ZNG1A: variants seen among roughly 807,000 people sequenced by gnomAD.
ZNG1A encodes Zn regulated GTPase metalloprotein activator 1A, also known as zinc-regulated GTPase metalloprotein activator 1A.
At chr9:147,892 GGT>G in the ZNG1A span, 1 of 149,246 alleles carries the variant, frequency 6.7e-6, no homozygotes, top group East Asian at 2.0e-4. Flanking sequence ...TGGGTGTGGT[GGT>G]GCACACCTGT....
the ZNG1A span, among the ~76,000 whole-genome samples, chr9:138,667 G>A: frequency 6.9e-6 from 1 of 144,934 alleles, no homozygotes; most frequent in Non-Finnish European, 1.5e-5. Flanking sequence ...GGGAGGCTGA[G>A]GCATGAGGAT....
chr9:172,294 T>G, the ZNG1A span: 2 of 1,283,716 alleles, frequency 1.6e-6, no homozygotes, highest in Non-Finnish European at 1.1e-6. Flanking sequence ...TGTGAAAATT[T>G]AACTCACTTC....
the ZNG1A span, among the ~76,000 whole-genome samples, chr9:133,373 A>G: frequency 7.0e-6 from 1 of 142,014 alleles, no homozygotes; most frequent in Admixed American, 7.2e-5. Context: ...AATTTGCTTT[A>G]ATACACTACA....
the ZNG1A span, chr9:121,967 G>A: frequency 3.1e-6 from 5 of 1,611,744 alleles, no homozygotes; most frequent in Admixed American, 1.7e-5. Flanking sequence ...TTACCAAGGA[G>A]GACCAATCGA....
At chr9:169,880 T>TTTTTTTTTTA in the ZNG1A span, among the ~76,000 whole-genome samples, 1 of 71,328 alleles carries the variant, frequency 1.4e-5, no homozygotes, top group Non-Finnish European at 2.9e-5. Context: ...TTTTTTTTTT[T>TTTTTTTTTTA]AAGAAATGGG....
chr9:150,087 CTT>C, the ZNG1A span: 10 of 137,528 alleles, frequency 7.3e-5, no homozygotes, highest in African/African-American at 2.7e-4. Flanking sequence ...ATAAGAGTGA[CTT>C]TGACTATTTT....
the ZNG1A span, among the ~76,000 whole-genome samples, chr9:169,249 T>G: frequency 6.6e-6 from 1 of 151,196 alleles, no homozygotes; most frequent in Non-Finnish European, 1.5e-5. Flanking sequence ...CAGACTTCAA[T>G]GGAGGAAATA....
At chr9:121,949 T>C in the ZNG1A span, 2 of 1,611,920 alleles carry the variant, frequency 1.2e-6, no homozygotes, top group Non-Finnish European at 1.7e-6. Context: ...CTGTGAATCC[T>C]TTGAGACTTA....
the ZNG1A span, among the ~76,000 whole-genome samples, chr9:141,645 A>G: frequency 2.0e-5 from 3 of 151,300 alleles, no homozygotes; most frequent in African/African-American, 7.3e-5. Flanking sequence ...AACCAGCAAA[A>G]TAACCAGCTA....
the ZNG1A span, among the ~76,000 whole-genome samples, chr9:142,245 T>C: frequency 7.3e-6 from 1 of 136,408 alleles, no homozygotes; most frequent in Non-Finnish European, 1.5e-5. Context: ...ATACATTCTT[T>C]TCAGCACCAC....
chr9:146,990 C>T, the ZNG1A span: 90 of 151,148 alleles, frequency 6.0e-4, no homozygotes, highest in African/African-American at 2.2e-3. Context: ...TGGCCATGGA[C>T]AACGTGGTGA....
At chr9:154,779 C>G in the ZNG1A span, 1 of 1,586,068 alleles carries the variant, frequency 6.3e-7, no homozygotes, top group East Asian at 2.2e-5. Context: ...AGAATGGCAT[C>G]TGCCAAAGCA....
the ZNG1A span, among the ~76,000 whole-genome samples, chr9:138,525 C>T: frequency 8.8e-6 from 1 of 114,232 alleles, no homozygotes; most frequent in Non-Finnish European, 1.7e-5. Context: ...GTGAACAATA[C>T]TACAGACTGA....
chr9:145,185 T>A, the ZNG1A span, among the ~76,000 whole-genome samples: 2 of 151,632 alleles, frequency 1.3e-5, no homozygotes, highest in African/African-American at 4.9e-5. Context: ...GACCCAGCCA[T>A]CCCATTACTG....
At chr9:152,291 C>A in the ZNG1A span, among the ~76,000 whole-genome samples, 1 of 152,106 alleles carries the variant, frequency 6.6e-6, no homozygotes, top group Admixed American at 6.5e-5. Context: ...TCCACTCATA[C>A]ATTAATAAAA....
At chr9:143,697 C>A in the ZNG1A span, among the ~76,000 whole-genome samples, 24 of 123,124 alleles carry the variant, frequency 1.9e-4, 6 homozygotes, top group African/African-American at 8.5e-4. Flanking sequence ...CTGGCCAGGG[C>A]AATTAGGCAG....
the ZNG1A span, among the ~76,000 whole-genome samples, chr9:173,710 T>C: frequency 6.6e-6 from 1 of 152,142 alleles, no homozygotes; most frequent in Non-Finnish European, 1.5e-5. Context: ...TAGACCAGTA[T>C]GTTTTATATA....
At chr9:159,460 A>C in the ZNG1A span, among the ~76,000 whole-genome samples, 1 of 152,194 alleles carries the variant, frequency 6.6e-6, no homozygotes. Flanking sequence ...AAAAATAGCA[A>C]TGTGAGGTGA....
the ZNG1A span, chr9:151,747 G>C: frequency 3.5e-6 from 1 of 286,434 alleles, no homozygotes; most frequent in East Asian, 8.2e-5. Context: ...TTTCTGTACT[G>C]AGTTACCCTC....
Sources: gnomAD v4.1 joint callset for allele counts (sites outside exome capture counted in the v4.1 genomes callset) on GRCh38, gnomAD v4.1.1 for gene constraint, MANE v1.5 for transcripts, NCBI Gene and HGNC (gene_info 2026-07-23, HGNC 2026-07-21) for gene names.